The following ELMOD2 variants were observed in gnomAD, a reference collection of about 807,000 sequenced individuals.
ELMOD2 encodes the protein ELMO domain containing 2, also known as ELMO domain-containing protein 2.
ELMOD2 carries 28 observed loss-of-function variants against 41.0 expected under a neutral mutation model. That is an observed-to-expected ratio of 0.68 (90% CI 0.51 to 0.94). The LOEUF is 0.94. Ranked by LOEUF, ELMOD2 falls within the 40% of genes least tolerant of loss-of-function variation. The pLI is 0.00. For missense variants in ELMOD2, 333 were observed against 343.1 expected (o/e 0.97, Z 0.23); for synonymous variants, 106 against 107.2 (o/e 0.99, Z 0.07).
intron 3 of ELMOD2, among the ~76,000 whole-genome samples, chr4:140,535,143 CT>C: frequency 1.2e-4 from 1 of 8,636 alleles, no homozygotes; most frequent in African/African-American, 2.9e-4. Flanking sequence ...TTCTTTCTCT[CT>C]CTCTCTCTCT....
chr4:140,547,968 A>AT (rs1735345461), intron 8 of ELMOD2, among the ~76,000 whole-genome samples: 1 of 152,016 alleles, frequency 6.6e-6, no homozygotes, highest in African/African-American at 2.4e-5. Flanking sequence ...GAATTTCAGT[A>AT]TTTTTTCCTG....
chr4:140,525,696 T>G, intron 2 of ELMOD2, 126 bp downstream of exon 2: 3 of 1,048,108 alleles, frequency 2.9e-6, no homozygotes, highest in Non-Finnish European at 3.9e-6. Context: ...TCATAAGCTC[T>G]GAAGTCCCGC....
chr4:140,539,775 T>A (rs932272104), intron 5 of ELMOD2, among the ~76,000 whole-genome samples: 22 of 152,222 alleles, frequency 1.4e-4, no homozygotes, highest in Admixed American at 3.9e-4. Flanking sequence ...TTCTGTCTTA[T>A]ACCTATTTTC....
chr4:140,546,469 A>G (rs1395794132), intron 8 of ELMOD2, among the ~76,000 whole-genome samples: 1 of 152,048 alleles, frequency 6.6e-6, no homozygotes, highest in Non-Finnish European at 1.5e-5. Flanking sequence ...CATGTACCCT[A>G]GAACTTAAAG....
chr4:140,529,807 A>C (rs926112183), intron 3 of ELMOD2, among the ~76,000 whole-genome samples: 1 of 152,190 alleles, frequency 6.6e-6, no homozygotes, highest in Non-Finnish European at 1.5e-5. Flanking sequence ...TCTCTACCTA[A>C]GGGTATACCT....
At chr4:140,549,230 T>A (rs1195912093) in intron 8 of ELMOD2, among the ~76,000 whole-genome samples, 2 of 152,216 alleles carry the variant, frequency 1.3e-5, no homozygotes, top group Non-Finnish European at 2.9e-5. Context: ...TTTTTAAAAA[T>A]TGACATATTA....
chr4:140,529,511 C>T (rs1352096493), intron 3 of ELMOD2, among the ~76,000 whole-genome samples: 1 of 152,210 alleles, frequency 6.6e-6, no homozygotes, highest in African/African-American at 2.4e-5. Flanking sequence ...CATCTCTCAG[C>T]CTGGAAGTTG....
chr4:140,530,063 T>C (rs1210962574), intron 3 of ELMOD2, among the ~76,000 whole-genome samples: 1 of 152,218 alleles, frequency 6.6e-6, no homozygotes, highest in South Asian at 2.1e-4. Flanking sequence ...GGATAAAGAA[T>C]AATAAGTAAA....
chr4:140,550,330 A>G lies in ELMOD2; in HGVS notation c.837A>G (p.Lys279=). 6.2e-7 allele frequency: 1 copy of G among 1,611,422 alleles called. No individual in the cohort carries two copies. The highest frequency in any genetic ancestry group is 8.5e-7 in the Non-Finnish European group (1 of 1,178,562). ...GAGAGAAGTTTCATGAAAAGATTAA[A>G]GGACTTTTACTGGATTGTAATGTAG... is the stretch of plus-strand genomic sequence containing the variant. ...LYREKFHEKI[K]GLLLDCNVAL... is the part of the protein sequence containing the mutation. The change falls in exon 9 of 9, where the codon AAA becomes AAG. Residue 279 remains lysine (K), a synonymous_variant. Transcript: ENST00000323570.
At chr4:140,524,845 C>G (rs1734504959) in intron 1 of ELMOD2, 1 of 160,674 alleles carries the variant, frequency 6.2e-6, no homozygotes, top group South Asian at 2.0e-4. Flanking sequence ...TATTTCTGCC[C>G]TTGACCTATT....
At chr4:140,536,948 G>C (rs1422477949) in intron 4 of ELMOD2, among the ~76,000 whole-genome samples, 1 of 152,138 alleles carries the variant, frequency 6.6e-6, no homozygotes, top group African/African-American at 2.4e-5. Context: ...TTGGAGTGTT[G>C]TAGCTTGGGG....
At chr4:140,541,338 T>G (rs1735099227) in intron 6 of ELMOD2, among the ~76,000 whole-genome samples, 1 of 152,186 alleles carries the variant, frequency 6.6e-6, no homozygotes, top group Non-Finnish European at 1.5e-5. Flanking sequence ...TTTTTTTAAT[T>G]GTTTACAGAT....
At chr4:140,536,234 T>C (rs1734921614) in intron 4 of ELMOD2, among the ~76,000 whole-genome samples, 1 of 152,204 alleles carries the variant, frequency 6.6e-6, no homozygotes, top group African/African-American at 2.4e-5. Flanking sequence ...TTTAACCCAT[T>C]GTACTATAGT....
chr4:140,544,198 C>G (rs1334383180), intron 8 of ELMOD2, among the ~76,000 whole-genome samples: 1 of 152,090 alleles, frequency 6.6e-6, no homozygotes, highest in Non-Finnish European at 1.5e-5. Flanking sequence ...CAGTACTTTT[C>G]TTGATCTTTT....
At chr4:140,545,444 G>T (rs983719697) in intron 8 of ELMOD2, among the ~76,000 whole-genome samples, 1 of 152,146 alleles carries the variant, frequency 6.6e-6, no homozygotes, top group Non-Finnish European at 1.5e-5. Context: ...ATGCCAAAAT[G>T]TATATCTTCA....
At chr4:140,542,863 A>G (rs533169766) in intron 7 of ELMOD2, among the ~76,000 whole-genome samples, 2 of 152,110 alleles carry the variant, frequency 1.3e-5, no homozygotes, top group African/African-American at 2.4e-5. Flanking sequence ...TAGTTTATCT[A>G]TACAATGGAG....
chr4:140,546,157 TA>T (rs1735272381), intron 8 of ELMOD2, among the ~76,000 whole-genome samples: 2 of 152,196 alleles, frequency 1.3e-5, no homozygotes, highest in South Asian at 4.1e-4. Flanking sequence ...TATGCAGCCA[TA>T]AAAAATGATG....
At chr4:140,531,839 TA>T (rs1279362728) in intron 3 of ELMOD2, among the ~76,000 whole-genome samples, 1 of 152,200 alleles carries the variant, frequency 6.6e-6, no homozygotes, top group Admixed American at 6.5e-5. Context: ...ATTAAAAATC[TA>T]AATAGTAGTA....
At chr4:140,529,704 A>G (rs1734683848) in intron 3 of ELMOD2, among the ~76,000 whole-genome samples, 1 of 152,168 alleles carries the variant, frequency 6.6e-6, no homozygotes, top group Admixed American at 6.5e-5. Flanking sequence ...GTTTAAGTAG[A>G]ATTATCTTCT....
Sources: gnomAD v4.1 joint callset for allele counts (sites outside exome capture counted in the v4.1 genomes callset) on GRCh38, gnomAD v4.1.1 for gene constraint, MANE v1.5 for transcripts, NCBI Gene and HGNC (gene_info 2026-07-23, HGNC 2026-07-21) for gene names.